The following ZNF469 variants were observed in gnomAD, a reference collection of about 807,000 sequenced individuals.
ZNF469 encodes zinc finger protein 469.
ZNF469 carries 1 observed loss-of-function variant against 1.0 expected under a neutral mutation model. The ratio of observed to expected loss-of-function variants is 1.00; its 90% confidence interval spans 0.35 to 4.73. The LOEUF (loss-of-function observed/expected upper bound fraction) is 4.73, where lower values mean the gene tolerates loss of function less well. ZNF469 is among the 30% of genes most tolerant of loss of function. The pLI, the probability that ZNF469 is intolerant of heterozygous loss-of-function variation, is 0.16. For missense variants in ZNF469, 6,100 were observed against 5,356.3 expected, an observed-to-expected ratio of 1.14 and a Z score of -4.33; for synonymous variants, 2,703 against 2,363.4, an observed-to-expected ratio of 1.14 and a Z score of -4.17.
In ZNF469 at chr16:88,435,612, G is replaced by A; in HGVS notation, c.8142G>A (p.Leu2714=). 6.5e-7 allele frequency: 1 copy of A among 1,550,362 alleles called. No homozygotes were observed. The highest frequency in any genetic ancestry group is 8.7e-7 in the Non-Finnish European group (1 of 1,146,992). The stretch of plus-strand genomic sequence containing the variant: ...CAGCGGAGACTGACCAGGAGGCTCT[G>A]TGTGCAGGGGAGACTGGGGCCCAGA... ...EGAAETDQEA[L]CAGETGAQKP... is the part of the protein sequence containing the mutation. Residue 2714 remains leucine (L), a synonymous_variant, in exon 3 of 3, where the codon CTG becomes CTA. Transcript: ENST00000565624.
the ZNF469 span, among the ~76,000 whole-genome samples, chr16:88,108,127 G>C: frequency 3.6e-4 from 39 of 109,326 alleles, 1 homozygote; most frequent in East Asian, 1.3e-3. Context: ...GGATGGAGGT[G>C]CACGTCTGTG....
At chr16:88,204,391 G>A in the ZNF469 span, among the ~76,000 whole-genome samples, 1 of 152,234 alleles carries the variant, frequency 6.6e-6, no homozygotes, top group Admixed American at 6.5e-5. Flanking sequence ...TGGGCAGAGT[G>A]GGATTGTGAC....
At chr16:88,114,614 T>G in the ZNF469 span, among the ~76,000 whole-genome samples, 1 of 152,204 alleles carries the variant, frequency 6.6e-6, no homozygotes, top group African/African-American at 2.4e-5. Context: ...TGGTACTGCA[T>G]TCTCCTCCGT....
chr16:88,416,751 C>T (rs946707784), intron 1 of ZNF469, among the ~76,000 whole-genome samples: 1 of 152,192 alleles, frequency 6.6e-6, no homozygotes, highest in Non-Finnish European at 1.5e-5. Context: ...AAAATCAAAA[C>T]CCCGCAGGAC....
the ZNF469 span, among the ~76,000 whole-genome samples, chr16:88,267,279 G>T: frequency 6.6e-6 from 1 of 152,194 alleles, no homozygotes; most frequent in Admixed American, 6.5e-5. Flanking sequence ...TCACCACATC[G>T]ATTCTTTCCC....
chr16:88,329,335 G>A, the ZNF469 span, among the ~76,000 whole-genome samples: 1 of 152,256 alleles, frequency 6.6e-6, no homozygotes, highest in African/African-American at 2.4e-5. Flanking sequence ...TGATCCAGAT[G>A]TGGACACAGC....
the ZNF469 span, among the ~76,000 whole-genome samples, chr16:88,166,115 G>A: frequency 2.0e-5 from 3 of 152,216 alleles, no homozygotes; most frequent in Admixed American, 1.3e-4. The surrounding 1 kb of genome is among the most constrained non-coding windows in gnomAD (Gnocchi z 4.5). Flanking sequence ...TGACAGACAG[G>A]CTGGCCCAGA....
At chr16:88,148,926 C>A in the ZNF469 span, among the ~76,000 whole-genome samples, 1 of 152,194 alleles carries the variant, frequency 6.6e-6, no homozygotes, top group Non-Finnish European at 1.5e-5. Context: ...GTGCCTGGCA[C>A]GTGGCAGGTG....
the ZNF469 span, among the ~76,000 whole-genome samples, chr16:88,192,679 GTGATGGTGA>G: frequency 1.3e-5 from 2 of 152,036 alleles, no homozygotes; most frequent in East Asian, 3.9e-4. Flanking sequence ...GATGATGGTG[GTGATGGTGA>G]TGATGGTGGT....
rs181887079 is a variant in ZNF469, at chr16:88,434,270, G to A, written c.6800G>A (p.Arg2267Gln). Residue 2267 changes from arginine to glutamine, a missense_variant, in exon 3 of 3, where the codon CGA becomes CAA. Arg to Gln is a conservative substitution (Grantham distance 43). Coordinates refer to ENST00000565624, the MANE Select transcript of ZNF469 (RefSeq NM_001367624.2). ...RKEKLWESPGRATSPPLAGAV... is the reference protein window; with the variant it reads ...RKEKLWESPGQATSPPLAGAV... ...GAGAAGCTGTGGGAGTCTCCTGGCC[G>A]AGCCACCTCTCCTCCTCTGGCAGGG... is the stretch of plus-strand genomic sequence containing the variant. 739 of 1,550,338 alleles carry A rather than the reference G, an allele frequency of 4.8e-4. 3 individuals carry two copies. In the African/African-American group the frequency reaches 7.3e-3, roughly 15 times the overall value.
the ZNF469 span, among the ~76,000 whole-genome samples, chr16:88,181,628 A>C: frequency 3.3e-5 from 5 of 152,234 alleles, no homozygotes; most frequent in Non-Finnish European, 7.3e-5. Context: ...GAAAATACAT[A>C]TGACAATTTG....
the ZNF469 span, among the ~76,000 whole-genome samples, chr16:88,119,356 C>T: frequency 3.3e-5 from 5 of 152,204 alleles, no homozygotes; most frequent in East Asian, 1.9e-4. Context: ...GAAGCCTGGC[C>T]GTCCGCAGCC....
In ZNF469 at chr16:88,430,231, C is replaced by G; in HGVS notation, c.2761C>G (p.Arg921Gly). ...CCCTGGGGACAGGGGCTGCCCAGCC[C>G]GAGGCAGGCCCAAAACGCGTTCCCT... ...PRPGDRGCPARGRPKTRSLGL... is the reference protein window; with the variant it reads ...PRPGDRGCPAGGRPKTRSLGL... The change falls in exon 3 of 3, where the codon CGA becomes GGA. Residue 921 changes from arginine to glycine, a missense_variant. By Grantham distance (125) the Arg-to-Gly change is moderately radical. Coordinates refer to ENST00000565624, the MANE Select transcript of ZNF469 (RefSeq NM_001367624.2). 1 of 1,534,182 alleles carries G rather than the reference C, an allele frequency of 6.5e-7. No homozygotes were observed. The highest frequency in any genetic ancestry group is 1.4e-5 in the African/African-American group (1 of 72,808).
the ZNF469 span, among the ~76,000 whole-genome samples, chr16:88,272,224 G>A: frequency 5.2e-5 from 6 of 115,702 alleles, no homozygotes; most frequent in South Asian, 1.8e-3. Flanking sequence ...TGGATGTGTG[G>A]ATGAGTAGAT....
chr16:88,174,858 T>A, the ZNF469 span, among the ~76,000 whole-genome samples: 1 of 152,190 alleles, frequency 6.6e-6, no homozygotes, highest in African/African-American at 2.4e-5. Flanking sequence ...ATTCGTAGTT[T>A]CTGGGGAGTC....
chr16:88,431,294 C>T lies in ZNF469; in HGVS notation c.3824C>T (p.Thr1275Ile). Residue 1275 changes from threonine (T) to isoleucine (I), a missense_variant, in exon 3 of 3, where the codon ACC becomes ATC. By Grantham distance (89) the Thr-to-Ile change is moderately conservative. Transcript: ENST00000565624. Reference protein sequence around the residue: ...PEQPPPSRHDTGTPKPSGSLA... With the variant: ...PEQPPPSRHDIGTPKPSGSLA... ...CAGCCGCCGCCCAGCAGACATGACA[C>T]CGGCACCCCCAAGCCGTCGGGAAGC... 6.5e-7 allele frequency: 1 copy of T among 1,550,212 alleles called. No homozygotes were observed. The highest frequency in any genetic ancestry group is 2.0e-5 in the Admixed American group (1 of 51,018).
At chr16:88,128,037 GC>G in the ZNF469 span, among the ~76,000 whole-genome samples, 1 of 152,206 alleles carries the variant, frequency 6.6e-6, no homozygotes, top group East Asian at 1.9e-4. Context: ...GAGGGGCTGT[GC>G]CCGTTTAGGT....
chr16:88,163,747 G>A, the ZNF469 span, among the ~76,000 whole-genome samples: 2 of 151,902 alleles, frequency 1.3e-5, no homozygotes, highest in African/African-American at 4.8e-5. Context: ...ATGAGAGGAT[G>A]GGTAAGTGGA....
chr16:88,125,277 T>C, the ZNF469 span, among the ~76,000 whole-genome samples: 1 of 152,258 alleles, frequency 6.6e-6, no homozygotes, highest in Non-Finnish European at 1.5e-5. Flanking sequence ...TATCTTAAGA[T>C]AGTATGTCTT....
Sources: allele counts gnomAD v4.1 joint callset (sites outside exome capture counted in the v4.1 genomes callset), GRCh38; gene constraint gnomAD v4.1.1; non-coding constraint Gnocchi (gnomAD v3.1); transcripts MANE v1.5; gene names NCBI Gene and HGNC (gene_info 2026-07-23, HGNC 2026-07-21).